FRK: variants seen among roughly 807,000 people sequenced by gnomAD.
FRK encodes tyrosine-protein kinase FRK.
A neutral mutation model predicts 56.4 loss-of-function variants in FRK; 51 were observed. The observed-to-expected ratio is 0.90, with a 90% CI of 0.72 to 1.14. The LOEUF is 1.14. Among genes scored for constraint, FRK ranks in the 50% most tolerant of loss-of-function variants. The pLI is 0.00. For synonymous variants in FRK, 245 were observed against 217.9 expected, an observed-to-expected ratio of 1.12 and a Z score of -1.10; for missense variants, 570 against 601.4, an observed-to-expected ratio of 0.95 and a Z score of 0.55.
intron 5 of FRK, among the ~76,000 whole-genome samples, chr6:115,954,172 G>A (rs934213301): frequency 1.4e-4 from 22 of 152,186 alleles, no homozygotes; most frequent in Non-Finnish European, 4.4e-5. Context: ...GAAATAACGA[G>A]TGAGGCAAAA....
chr6:116,084,239 T>C, the FRK span, among the ~76,000 whole-genome samples: 5 of 152,206 alleles, frequency 3.3e-5, no homozygotes, highest in Non-Finnish European at 5.9e-5. Flanking sequence ...TATACATCTG[T>C]TAACCAAAAG....
intron 2 of FRK, among the ~76,000 whole-genome samples, chr6:115,970,959 C>T (rs1582663920): frequency 6.6e-6 from 1 of 152,056 alleles, no homozygotes; most frequent in East Asian, 1.9e-4. Flanking sequence ...ACAAGCAAAA[C>T]TATTGATATG....
chr6:115,959,855 A>C (rs1466903972), intron 4 of FRK, among the ~76,000 whole-genome samples: 2 of 152,206 alleles, frequency 1.3e-5, no homozygotes, highest in Non-Finnish European at 2.9e-5. Context: ...GATTTATCTT[A>C]TATCGAATTT....
the FRK span, among the ~76,000 whole-genome samples, chr6:116,084,396 T>A: frequency 6.6e-6 from 1 of 152,234 alleles, no homozygotes; most frequent in East Asian, 1.9e-4. Flanking sequence ...GCTGGACTCA[T>A]TCATGGTCTG....
intron 1 of FRK, among the ~76,000 whole-genome samples, chr6:116,021,253 G>C (rs1447525089): frequency 2.6e-5 from 4 of 151,258 alleles, no homozygotes; most frequent in Non-Finnish European, 5.9e-5. Context: ...ACGTAGACCA[G>C]TATAAAAAGA....
At chr6:116,044,843 T>C (rs978305188) in intron 1 of FRK, among the ~76,000 whole-genome samples, 1 of 152,228 alleles carries the variant, frequency 6.6e-6, no homozygotes, top group African/African-American at 2.4e-5. Context: ...CCCCACTGTC[T>C]CAGCCCAAAA....
chr6:116,061,929 G>T (rs1406784242), upstream of FRK, among the ~76,000 whole-genome samples: 1 of 111,116 alleles, frequency 9.0e-6, no homozygotes, highest in African/African-American at 3.4e-5. Flanking sequence ...TCAAACTCAA[G>T]AAAAAGGAAG....
At chr6:116,083,692 T>C in the FRK span, among the ~76,000 whole-genome samples, 1 of 152,216 alleles carries the variant, frequency 6.6e-6, no homozygotes, top group Non-Finnish European at 1.5e-5. Flanking sequence ...TCCCAGGTAC[T>C]ACTGCTAGGA....
chr6:116,095,538 C>G, the FRK span, among the ~76,000 whole-genome samples: 1 of 152,198 alleles, frequency 6.6e-6, no homozygotes, highest in African/African-American at 2.4e-5. Context: ...TTATGGACAT[C>G]ATACCCTATC....
chr6:115,935,836 A>C lies in FRK; in HGVS notation c.*6578T>G, dbSNP rs1375367822. 1.3e-5 allele frequency: 2 copies of C among 152,266 alleles called. No homozygotes were observed. The highest frequency in any genetic ancestry group is 4.8e-5 in the African/African-American group (2 of 41,448). 9.4% of individuals were successfully genotyped at this position (152,266 alleles called of 1,614,324 possible). ...TCTGGGCAGGGCAACTCTAAAAAAAAGGCAGTCAGGGACTAATAGATAAAA... is the reference window on the plus strand; with the variant it reads ...TCTGGGCAGGGCAACTCTAAAAAAACGGCAGTCAGGGACTAATAGATAAAA... On this transcript the variant is annotated 3_prime_UTR_variant, in exon 8 of 8. Transcript: ENST00000606080.
At chr6:116,092,221 C>G in the FRK span, among the ~76,000 whole-genome samples, 1 of 152,116 alleles carries the variant, frequency 6.6e-6, no homozygotes, top group Non-Finnish European at 1.5e-5. Context: ...TAGGATCTCC[C>G]CTCAGACTAG....
intron 1 of FRK, among the ~76,000 whole-genome samples, chr6:116,047,267 A>C (rs1239981004): frequency 6.6e-6 from 1 of 152,062 alleles, no homozygotes; most frequent in Non-Finnish European, 1.5e-5. Flanking sequence ...ACCAGGGGAT[A>C]CTGAATACTT....
intron 2 of FRK, among the ~76,000 whole-genome samples, chr6:115,999,902 C>T (rs1374659518): frequency 6.6e-6 from 1 of 152,050 alleles, no homozygotes; most frequent in Non-Finnish European, 1.5e-5. Flanking sequence ...TTACTTTGTC[C>T]CCCAGTGAAT....
Position 115,997,473 on chromosome 6 carries a change from T to A in FRK, c.466+6404A>T, listed in dbSNP as rs1294290594. On this transcript the variant is annotated intron_variant, in intron 2 of 7. Transcript: ENST00000606080. ...AAAAAGGAGAATGGCTATTTGTATG[T>A]TCACTCATATGTGTCTCAAGCACCT... Among the ~76,000 whole-genome samples the A allele has an allele frequency of 2.0e-5, 3 of 152,014 alleles. No individual in the cohort carries two copies. The South Asian group carries it at 6.2e-4, about 31-fold the overall frequency.
At position 116,005,418 on chromosome 6, in the gene FRK, C is replaced by T. The variant is rs373932731; in HGVS notation, c.345-1420G>A. On this transcript the variant is annotated intron_variant, in intron 1 of 7. Transcript: ENST00000606080. ...GCTGAGCCAGGATTGGAAAATGTGGCGAATCGCAGGCTGGTTCCTAGAGCT... is the reference window on the plus strand; with the variant it reads ...GCTGAGCCAGGATTGGAAAATGTGGTGAATCGCAGGCTGGTTCCTAGAGCT... Among the ~76,000 whole-genome samples, 57 of 152,222 alleles carry T rather than the reference C, an allele frequency of 3.7e-4. No homozygotes were observed. In the South Asian group the frequency reaches 0.011, roughly 29 times the overall value.
At chr6:115,955,293 A>G (rs1410781006) in intron 5 of FRK, among the ~76,000 whole-genome samples, 1 of 152,106 alleles carries the variant, frequency 6.6e-6, no homozygotes, top group Non-Finnish European at 1.5e-5. Context: ...AGGAAAAGAA[A>G]GCATCTATTG....
intron 5 of FRK, among the ~76,000 whole-genome samples, chr6:115,945,719 T>TA: frequency 6.6e-6 from 1 of 152,256 alleles, no homozygotes; most frequent in African/African-American, 2.4e-5. Flanking sequence ...GTATGAATAT[T>TA]ACATTTGTAC....
intron 4 of FRK, among the ~76,000 whole-genome samples, chr6:115,958,720 A>AAAG (rs1773170013): frequency 7.9e-5 from 2 of 25,238 alleles, no homozygotes; most frequent in African/African-American, 3.1e-4. Context: ...AGAAAGAAAG[A>AAAG]AAGAAAGAAA....
chr6:116,025,255 G>C (rs560144385), intron 1 of FRK, among the ~76,000 whole-genome samples: 2 of 152,226 alleles, frequency 1.3e-5, no homozygotes, highest in East Asian at 3.9e-4. Flanking sequence ...GGACCAGCTG[G>C]ATGAAGCTCT....
Sources: allele counts gnomAD v4.1 joint callset (sites outside exome capture counted in the v4.1 genomes callset), GRCh38; gene constraint gnomAD v4.1.1; transcripts MANE v1.5; gene names NCBI Gene and HGNC (gene_info 2026-07-23, HGNC 2026-07-21).